Variants in PRPF38A observed in about 807,000 individuals in gnomAD.
PRPF38A encodes pre-mRNA processing factor 38A, also known as pre-mRNA-splicing factor 38A.
PRPF38A carries 11 observed loss-of-function variants against 46.8 expected under a neutral mutation model. The ratio of observed to expected loss-of-function variants is 0.24; its 90% CI spans 0.15 to 0.39. The LOEUF is 0.39. Ranked by LOEUF, PRPF38A falls within the 10% of genes least tolerant of loss-of-function variation. The probability of loss-of-function intolerance (pLI) is 1.00; values close to 1 mark genes in which losing one functional copy is unlikely to be tolerated. For missense variants in PRPF38A, 261 were observed against 407.5 expected (o/e 0.64, Z 3.10); for synonymous variants, 124 against 136.2 (o/e 0.91, Z 0.62).
At chr1:52,411,696 C>T (rs1310501082) in intron 4 of PRPF38A, among the ~76,000 whole-genome samples, 2 of 152,104 alleles carry the variant, frequency 1.3e-5, no homozygotes, top group African/African-American at 2.4e-5. Context: ...ATTCCTTAAA[C>T]TTGCCTTCAC....
At position 52,412,609 on chromosome 1, in the gene PRPF38A, AGAG is replaced by A. The variant is rs1393397529; in HGVS notation, c.600_602del (p.Glu200del). 1 of 1,611,220 alleles carries A rather than the reference AGAG, an allele frequency of 6.2e-7. No homozygotes were observed. The highest frequency in any genetic ancestry group is 8.5e-7 in the Non-Finnish European group (1 of 1,177,498). On this transcript the variant is annotated inframe_deletion, in exon 5 of 10. Transcript: ENST00000257181. Reference sequence around the variant, plus strand: ...ATGTGGAGTCCAGTGAAGAGGAAGAAGAGGAGGATGAGAAGGTCTGGCACCTGA... The same window carrying A: ...ATGTGGAGTCCAGTGAAGAGGAAGAAGAGGATGAGAAGGTCTGGCACCTGA...
intron 3 of PRPF38A, among the ~76,000 whole-genome samples, chr1:52,409,880 G>GCC (rs2147956164): frequency 6.6e-6 from 1 of 152,028 alleles, no homozygotes; most frequent in African/African-American, 2.4e-5. Context: ...AGTATCTCTA[G>GCC]CCTCTACCCA....
intron 2 of PRPF38A, among the ~76,000 whole-genome samples, chr1:52,406,925 G>A (rs1648012504): frequency 6.6e-6 from 1 of 152,172 alleles, no homozygotes; most frequent in African/African-American, 2.4e-5. Flanking sequence ...ACAGTATTCT[G>A]CTTCTCGTAC....
At chr1:52,412,926 C>T (rs566857086) in intron 5 of PRPF38A, among the ~76,000 whole-genome samples, 31 of 152,198 alleles carry the variant, frequency 2.0e-4, no homozygotes, top group Admixed American at 7.8e-4. Context: ...TGCTTGAACC[C>T]GGGAGGCAGA....
chr1:52,417,309 G>A lies in PRPF38A; in HGVS notation c.*619G>A. On this transcript the variant is annotated 3_prime_UTR_variant, in exon 10 of 10. Transcript: ENST00000257181. ...CCTTTATACAGCCCATTTTTTCATAGTTTCATTTGTTCTTGCCCACAAGCT... is the reference window on the plus strand; with the variant it reads ...CCTTTATACAGCCCATTTTTTCATAATTTCATTTGTTCTTGCCCACAAGCT... 1 of 152,486 alleles carries A rather than the reference G, an allele frequency of 6.6e-6. No homozygotes were observed. The highest frequency in any genetic ancestry group is 6.5e-5 in the Admixed American group (1 of 15,304). The allele number at this position is 152,486 out of a possible 1,614,324, so 9.4% of individuals were successfully genotyped here.
Position 52,416,739 on chromosome 1 carries a change from T to C in PRPF38A, c.*49T>C, listed in dbSNP as rs761690741. The C allele has an allele frequency of 9.8e-6, 13 of 1,323,316 alleles. No homozygotes were observed. Among genetic ancestry groups the C allele is most frequent in the Non-Finnish European group, 1.4e-5 (13 of 915,024 alleles). The allele number at this position is 1,323,316 out of a possible 1,614,324, so 82.0% of individuals were successfully genotyped here. A position where few individuals can be genotyped will look rare whatever the true frequency, so the allele number is the denominator to read the frequency against. On this transcript the variant is annotated 3_prime_UTR_variant, in exon 10 of 10. Coordinates refer to ENST00000257181, the MANE Select transcript of PRPF38A (RefSeq NM_032864.4). ...ACATGGCCTCCTGTGGATATAAGGA[T>C]ATCTGTATGTGGAAGGATTAAGATC...
chr1:52,414,126 A>G, intron 6 of PRPF38A, 135 bp downstream of exon 6: 2 of 629,834 alleles, frequency 3.2e-6, no homozygotes, highest in East Asian at 2.7e-5. Context: ...GCTGCAAAAC[A>G]ACCACCTATA....
chr1:52,415,513 A>G, intron 9 of PRPF38A, 127 bp downstream of exon 9: 5 of 736,264 alleles, frequency 6.8e-6, no homozygotes, highest in Non-Finnish European at 1.1e-5. Flanking sequence ...AAATTGGTCT[A>G]TTGCTTTGAG....
chr1:52,415,226 C>T, intron 8 of PRPF38A, 112 bp from the exon 9 acceptor site: 2 of 1,082,892 alleles, frequency 1.8e-6, no homozygotes, highest in South Asian at 3.0e-5. Flanking sequence ...GAGGTGTCCC[C>T]TGCATAGGCC....
chr1:52,406,518 C>T (rs540957602), intron 2 of PRPF38A, among the ~76,000 whole-genome samples: 2 of 151,060 alleles, frequency 1.3e-5, no homozygotes, highest in Admixed American at 6.5e-5. Flanking sequence ...TTCTGTTGCC[C>T]ATTAACTATG....
In PRPF38A at chr1:52,412,549, G is replaced by C; in HGVS notation, c.534G>C (p.Glu178Asp). The C allele has an allele frequency of 6.2e-7, 1 of 1,613,790 alleles. No homozygotes were observed. Among genetic ancestry groups the C allele is most frequent in the South Asian group, 1.1e-5 (1 of 91,072 alleles). Residue 178 changes from glutamate to aspartate, a missense_variant, in exon 5 of 10, where the codon GAG becomes GAC. Glu to Asp is a conservative substitution (Grantham distance 45, BLOSUM62 2). This residue lies in a region of PRPF38A where 180 missense variants were observed against 221.0 expected (regional missense o/e 0.81). Transcript: ENST00000257181. ...RYVLEEAEQLEPRVSALEEDM... is the reference protein window; with the variant it reads ...RYVLEEAEQLDPRVSALEEDM... ...TATTAGAGGAAGCTGAGCAACTGGA[G>C]CCTCGAGTTAGTGCTCTGGAAGAGG...
chr1:52,406,284 A>C (rs186720903), intron 2 of PRPF38A, among the ~76,000 whole-genome samples: 418 of 151,830 alleles, frequency 2.8e-3, no homozygotes, highest in African/African-American at 8.9e-3. Context: ...GAGCCACCAC[A>C]CCCTGCCAAG....
intron 2 of PRPF38A, among the ~76,000 whole-genome samples, chr1:52,406,447 G>A (rs190710092): frequency 1.2e-3 from 187 of 152,334 alleles, no homozygotes; most frequent in African/African-American, 4.1e-3. Context: ...ACGCTCAGGG[G>A]TGAAAATCAA....
chr1:52,413,319 A>T (rs1477631595), intron 5 of PRPF38A, among the ~76,000 whole-genome samples: 1 of 152,238 alleles, frequency 6.6e-6, no homozygotes, highest in African/African-American at 2.4e-5. Context: ...GGAGGGGGAA[A>T]ATGTCAACCG....
chr1:52,416,529 G>T, intron 9 of PRPF38A, 119 bp from the exon 10 acceptor site: 1 of 682,712 alleles, frequency 1.5e-6, no homozygotes, highest in South Asian at 1.8e-5. Flanking sequence ...GGCTGGTCTC[G>T]AATTCCTGAC....
chr1:52,408,777 G>A, intron 3 of PRPF38A, 87 bp downstream of exon 3: 5 of 1,444,826 alleles, frequency 3.5e-6, no homozygotes, highest in Non-Finnish European at 4.8e-6. Context: ...GTCATAGACA[G>A]TGTGAATGCT....
In PRPF38A at chr1:52,413,854, A is replaced by C. The variant is rs763101540; in HGVS notation, c.610-25A>C. 2.7e-6 allele frequency: 4 copies of C among 1,486,680 alleles called. No individual in the cohort carries two copies. The East Asian group carries it at 6.8e-5, about 25-fold the overall frequency. The allele number at this position is 1,486,680 out of a possible 1,614,324, so 92.1% of individuals were successfully genotyped here. ...GGCTCTTTATAAGCCTGTGCCTTTC[A>C]ATGACCCAATCATCTTGTTTCCAGT... On this transcript the variant is annotated intron_variant, in intron 5 of 9. Transcript: ENST00000257181.
At position 52,420,363 on chromosome 1, in the gene PRPF38A, T is replaced by TA. The variant is rs1321617377; in HGVS notation, c.*3676dup. 1 of 152,158 alleles carries TA rather than the reference T, an allele frequency of 6.6e-6. No homozygotes were observed. Among genetic ancestry groups the TA allele is most frequent in the African/African-American group, 2.4e-5 (1 of 41,430 alleles). 9.4% of individuals were successfully genotyped at this position (152,158 alleles called of 1,614,324 possible). On this transcript the variant is annotated 3_prime_UTR_variant, in exon 10 of 10. Coordinates refer to ENST00000257181, the MANE Select transcript of PRPF38A (RefSeq NM_032864.4). Reference sequence around the variant, plus strand: ...CTTTAAAAATAATGGGCAATGATTATAAAGTCAAATATTATGAACACTGTC... The same window carrying TA: ...CTTTAAAAATAATGGGCAATGATTATAAAAGTCAAATATTATGAACACTGTC...
Position 52,414,556 on chromosome 1 carries a change from C to T in PRPF38A, c.723-65C>T, listed in dbSNP as rs78969783. 1,067 of 1,566,352 alleles carry T rather than the reference C, an allele frequency of 6.8e-4. 3 individuals carry two copies. The African/African-American group carries it at 0.013, about 19-fold the overall frequency. On this transcript the variant is annotated intron_variant, in intron 6 of 9. Coordinates refer to ENST00000257181, the MANE Select transcript of PRPF38A (RefSeq NM_032864.4). The stretch of plus-strand genomic sequence containing the variant: ...GAAGCGTGAAGGATAAGATTGGGGC[C>T]GTTTTTGCAATCTACCACATCCAGT...
Sources: gnomAD v4.1 joint callset for allele counts (sites outside exome capture counted in the v4.1 genomes callset) on GRCh38, gnomAD v4.1.1 for gene constraint, gnomAD v4.1.1 regional missense constraint, MANE v1.5 for transcripts, NCBI Gene and HGNC (gene_info 2026-07-23, HGNC 2026-07-21) for gene names.